The following FARP2 variants were observed in gnomAD, a reference collection of about 807,000 sequenced individuals.
The protein encoded by FARP2 is FERM, ARHGEF and pleckstrin domain-containing protein 2.
In FARP2, 111 loss-of-function variants were observed where a neutral mutation model predicts 130.5. The ratio of observed to expected loss-of-function variants is 0.85; its 90% confidence interval spans 0.73 to 1.00. The LOEUF (loss-of-function observed/expected upper bound fraction) is 1.00, where lower values mean the gene tolerates loss of function less well. Ranked by LOEUF, FARP2 falls within the 50% of genes least tolerant of loss-of-function variation. FARP2 has a pLI of 0.00. For synonymous variants in FARP2, 504 were observed against 516.9 expected, an observed-to-expected ratio of 0.98 and a Z score of 0.34; for missense variants, 1,385 against 1,346.3, an observed-to-expected ratio of 1.03 and a Z score of -0.45.
intron 21 of FARP2, chr2:241,488,065 A>G (rs1303975509): frequency 1.3e-5 from 2 of 152,188 alleles, no homozygotes; most frequent in Non-Finnish European, 2.9e-5. Context: ...TGCTCAGAAC[A>G]TACATTAGCT....
In FARP2 at chr2:241,434,204, A is replaced by C. The variant is rs567787921; in HGVS notation, c.914A>C (p.Glu305Ala). 6.2e-7 allele frequency: 1 copy of C among 1,613,826 alleles called. No individual in the cohort carries two copies. The highest frequency in any genetic ancestry group is 1.7e-5 in the Admixed American group (1 of 59,994). ...GAATTTTTGTTGGGTAGTAGAGATG[A>C]ATGTAAGAACTTCTGGAAGATTTGT... is the stretch of plus-strand genomic sequence containing the variant. ...TLEFLLGSRD[E>A]CKNFWKICVE... Residue 305 changes from glutamate to alanine, a missense_variant, in exon 10 of 27, where the codon GAA becomes GCA. Physicochemically the swap from Glu to Ala is moderately radical, Grantham distance 107. Transcript: ENST00000264042.
chr2:241,426,273 G>A (rs528336956), intron 8 of FARP2, among the ~76,000 whole-genome samples: 21 of 152,258 alleles, frequency 1.4e-4, no homozygotes, highest in African/African-American at 5.1e-4. Flanking sequence ...CTAGGGATAG[G>A]TACATGCCGG....
chr2:241,398,919 G>A (rs2062094826), intron 2 of FARP2, among the ~76,000 whole-genome samples: 1 of 152,064 alleles, frequency 6.6e-6, no homozygotes. Context: ...ATTTCTGTTG[G>A]GTTTATACCC....
intron 2 of FARP2, 113 bp downstream of exon 2, chr2:241,373,403 C>A: frequency 1.6e-6 from 1 of 608,792 alleles, no homozygotes; most frequent in Non-Finnish European, 2.5e-6. Context: ...TCAAGAGTAG[C>A]TTTGGTAACA....
Position 241,441,431 on chromosome 2 carries a change from T to G in FARP2, c.1286T>G (p.Leu429Arg), listed in dbSNP as rs1050589664. The change falls in exon 13 of 27, where the codon CTC becomes CGC. Residue 429 changes from leucine (L) to arginine (R), a missense_variant. By Grantham distance (102) the Leu-to-Arg change is moderately radical. Coordinates refer to ENST00000264042, the MANE Select transcript of FARP2 (RefSeq NM_014808.4). ...GAGTTTAAGGACAGCAGCAGCTCCC[T>G]CACAGATCCCCAGGTTTCCTACGTC... Reference protein sequence around the residue: ...LPEFKDSSSSLTDPQVSYVKS... With the variant: ...LPEFKDSSSSRTDPQVSYVKS... 6.2e-7 allele frequency: 1 copy of G among 1,614,204 alleles called. No homozygotes were observed.
intron 13 of FARP2, among the ~76,000 whole-genome samples, chr2:241,451,857 C>T (rs1469623513): frequency 6.6e-6 from 1 of 152,018 alleles, no homozygotes; most frequent in African/African-American, 2.4e-5. Context: ...CGGGTTCAAG[C>T]GATTCTCCTA....
intron 19 of FARP2, among the ~76,000 whole-genome samples, chr2:241,480,599 C>T (rs2064589212): frequency 6.6e-6 from 1 of 151,490 alleles, no homozygotes; most frequent in East Asian, 1.9e-4. Context: ...GATATTTATA[C>T]TTTTATACTT....
intron 8 of FARP2, among the ~76,000 whole-genome samples, chr2:241,421,738 G>A (rs2062814968): frequency 6.6e-6 from 1 of 152,138 alleles, no homozygotes; most frequent in African/African-American, 2.4e-5. Flanking sequence ...TTTTAGAGGA[G>A]AAAGCTGCCT....
intron 7 of FARP2, among the ~76,000 whole-genome samples, chr2:241,414,124 A>G (rs1207580433): frequency 6.6e-6 from 1 of 152,090 alleles, no homozygotes; most frequent in Non-Finnish European, 1.5e-5. Context: ...GTGTGAGGCT[A>G]ACAGTGTCTG....
At chr2:241,453,276 G>A (rs2150444030) in intron 13 of FARP2, among the ~76,000 whole-genome samples, 1 of 151,978 alleles carries the variant, frequency 6.6e-6, no homozygotes, top group Non-Finnish European at 1.5e-5. Flanking sequence ...GTTGAAGTGA[G>A]CCGAGATCGT....
chr2:241,418,020 A>G lies in FARP2; in HGVS notation c.682A>G (p.Met228Val), dbSNP rs2150373034. ...GCTCGAAATTGCTCGAAAGTTGGAA[A>G]TGTACGGCATCAGATTTCACATGGC... ...QVLEIARKLE[M>V]YGIRFHMASD... Residue 228 changes from methionine (M) to valine (V), a missense_variant, in exon 8 of 27, where the codon ATG becomes GTG. Met to Val is a conservative substitution (Grantham distance 21). Transcript: ENST00000264042. 1 of 1,614,206 alleles carries G rather than the reference A, an allele frequency of 6.2e-7. No individual in the cohort carries two copies. The highest frequency in any genetic ancestry group is 8.5e-7 in the Non-Finnish European group (1 of 1,180,038).
At chr2:241,370,522 T>G (rs185155652) in intron 1 of FARP2, among the ~76,000 whole-genome samples, 9 of 152,278 alleles carry the variant, frequency 5.9e-5, no homozygotes, top group African/African-American at 1.4e-4. Context: ...TTGTACATGA[T>G]AAGTATATAC....
At chr2:241,373,716 C>T (rs1390400706) in intron 2 of FARP2, among the ~76,000 whole-genome samples, 1 of 152,196 alleles carries the variant, frequency 6.6e-6, no homozygotes, top group Non-Finnish European at 1.5e-5. Flanking sequence ...CCCTCTTTCT[C>T]AGAGCTGCTG....
intron 16 of FARP2, 67 bp from the exon 17 acceptor site, chr2:241,463,832 C>T (rs1278753887): frequency 9.6e-6 from 13 of 1,355,506 alleles, no homozygotes; most frequent in South Asian, 1.2e-5. Context: ...TGTCACCCTG[C>T]GTCAGATTAC....
At chr2:241,402,661 T>A (rs1286457691) in intron 2 of FARP2, among the ~76,000 whole-genome samples, 3 of 150,596 alleles carry the variant, frequency 2.0e-5, no homozygotes, top group African/African-American at 7.3e-5. Flanking sequence ...AAACTCTATT[T>A]CCATTTTTCT....
chr2:241,489,551 C>T (rs1348468412), intron 21 of FARP2: 1 of 155,804 alleles, frequency 6.4e-6, no homozygotes, highest in African/African-American at 2.4e-5. Flanking sequence ...TTTTATTTTG[C>T]AATTATTTCA....
chr2:241,360,480 G>A (rs2061161829), intron 1 of FARP2, among the ~76,000 whole-genome samples: 1 of 152,152 alleles, frequency 6.6e-6, no homozygotes, highest in South Asian at 2.1e-4. Context: ...AGACCATCCT[G>A]GCTAACACAG....
chr2:241,426,665 G>A (rs2062947228), intron 8 of FARP2, among the ~76,000 whole-genome samples: 1 of 152,198 alleles, frequency 6.6e-6, no homozygotes. Context: ...GGGTGACCCT[G>A]ACCTGGCAGT....
At chr2:241,376,032 A>G (rs1264003594) in intron 2 of FARP2, among the ~76,000 whole-genome samples, 1 of 152,224 alleles carries the variant, frequency 6.6e-6, no homozygotes, top group African/African-American at 2.4e-5. Flanking sequence ...TTAAGTAACA[A>G]ACCATCCCAA....
Sources: allele counts gnomAD v4.1 joint callset (sites outside exome capture counted in the v4.1 genomes callset), GRCh38; gene constraint gnomAD v4.1.1; transcripts MANE v1.5; gene names NCBI Gene and HGNC (gene_info 2026-07-23, HGNC 2026-07-21).